The following TASP1 variants were observed in gnomAD, a reference collection of about 807,000 sequenced individuals.
TASP1 encodes threonine aspartase 1.
TASP1 carries 16 observed loss-of-function variants against 56.6 expected under a neutral mutation model. That is an observed-to-expected ratio of 0.28 (90% CI 0.19 to 0.43). The LOEUF is 0.43. Ranked by LOEUF, TASP1 falls within the 20% of genes least tolerant of loss-of-function variation. TASP1 has a pLI of 1.00. For synonymous variants in TASP1, 179 were observed against 184.2 expected (o/e 0.97, Z 0.23); for missense variants, 393 against 511.6 (o/e 0.77, Z 2.24).
the TASP1 span, among the ~76,000 whole-genome samples, chr20:13,311,924 T>C: frequency 6.6e-6 from 1 of 151,984 alleles, no homozygotes. Flanking sequence ...TTGCTGAGAG[T>C]CTATTTTAAA....
the TASP1 span, among the ~76,000 whole-genome samples, chr20:13,342,419 G>A: frequency 6.6e-5 from 10 of 152,338 alleles, no homozygotes; most frequent in East Asian, 1.9e-4. Context: ...TGCAAGAAAT[G>A]CAATGTAGTC....
chr20:13,548,084 G>T (rs771090791), intron 8 of TASP1, among the ~76,000 whole-genome samples: 1 of 152,082 alleles, frequency 6.6e-6, no homozygotes, highest in Non-Finnish European at 1.5e-5. Flanking sequence ...AATGTGACCC[G>T]GAGTGAGATG....
chr20:13,190,288 A>G, the TASP1 span, among the ~76,000 whole-genome samples: 8 of 152,178 alleles, frequency 5.3e-5, no homozygotes, highest in Non-Finnish European at 1.2e-4. Flanking sequence ...CATGTAAAAG[A>G]AAAGAACAAA....
chr20:13,557,824 G>A (rs2046216109), intron 8 of TASP1, among the ~76,000 whole-genome samples: 1 of 151,592 alleles, frequency 6.6e-6, no homozygotes, highest in South Asian at 2.1e-4. Flanking sequence ...ACCCACCTCA[G>A]CCTCCCAAAG....
intron 8 of TASP1, among the ~76,000 whole-genome samples, chr20:13,547,788 AAAGAAAC>A (rs1227398342): frequency 1.3e-5 from 2 of 152,176 alleles, no homozygotes; most frequent in African/African-American, 4.8e-5. Context: ...TGTCTACTAA[AAAGAAAC>A]AAGAAAAAAA....
At chr20:13,351,902 T>C in the TASP1 span, among the ~76,000 whole-genome samples, 1 of 152,238 alleles carries the variant, frequency 6.6e-6, no homozygotes, top group South Asian at 2.1e-4. Flanking sequence ...ACTAGTCTCA[T>C]ATAACTAGTA....
At chr20:13,319,095 A>T in the TASP1 span, among the ~76,000 whole-genome samples, 2 of 152,230 alleles carry the variant, frequency 1.3e-5, no homozygotes, top group Non-Finnish European at 2.9e-5. Flanking sequence ...GTCGATAGTC[A>T]GAGAGAGTAT....
chr20:13,515,455 G>A (rs982046983), intron 10 of TASP1, among the ~76,000 whole-genome samples: 2 of 151,160 alleles, frequency 1.3e-5, no homozygotes, highest in East Asian at 2.0e-4. Flanking sequence ...CATTATCTGG[G>A]AGCTTGCGAA....
chr20:13,141,564 G>T, the TASP1 span, among the ~76,000 whole-genome samples: 1 of 152,142 alleles, frequency 6.6e-6, no homozygotes, highest in South Asian at 2.1e-4. Flanking sequence ...AAAACAAGAG[G>T]CATCTACAAA....
chr20:13,200,876 C>G, the TASP1 span, among the ~76,000 whole-genome samples: 1 of 152,146 alleles, frequency 6.6e-6, no homozygotes, highest in Non-Finnish European at 1.5e-5. Flanking sequence ...GCTATTATGC[C>G]GAGGCTTGAA....
At chr20:13,363,099 C>A in the TASP1 span, among the ~76,000 whole-genome samples, 5 of 151,984 alleles carry the variant, frequency 3.3e-5, no homozygotes, top group Admixed American at 1.3e-4. Context: ...TGGCACAGAG[C>A]TCCCAAATCT....
chr20:13,479,982 A>T (rs916466534), intron 11 of TASP1, among the ~76,000 whole-genome samples: 1 of 152,182 alleles, frequency 6.6e-6, no homozygotes. Flanking sequence ...GTTAAAAGAG[A>T]AAAAAACTCA....
At chr20:13,332,835 T>C in the TASP1 span, among the ~76,000 whole-genome samples, 1 of 152,236 alleles carries the variant, frequency 6.6e-6, no homozygotes. Flanking sequence ...AAGCAAATTC[T>C]GGTGTGAACG....
the TASP1 span, among the ~76,000 whole-genome samples, chr20:13,349,520 T>C: frequency 1.3e-5 from 2 of 151,956 alleles, no homozygotes; most frequent in Admixed American, 6.6e-5. Context: ...GGAGGGAAAG[T>C]GTGCAGATAA....
chr20:13,432,438 T>A (rs2042842789), intron 12 of TASP1, among the ~76,000 whole-genome samples: 1 of 152,194 alleles, frequency 6.6e-6, no homozygotes, highest in Non-Finnish European at 1.5e-5. Flanking sequence ...ATTCCTGTCC[T>A]TCTATACTGT....
At chr20:13,425,714 A>C (rs1478363355) in intron 12 of TASP1, among the ~76,000 whole-genome samples, 1 of 152,154 alleles carries the variant, frequency 6.6e-6, no homozygotes, top group African/African-American at 2.4e-5. Flanking sequence ...TCATTTTTTA[A>C]ATGGGAAGAA....
chr20:13,214,297 C>T, the TASP1 span, among the ~76,000 whole-genome samples: 2 of 152,038 alleles, frequency 1.3e-5, no homozygotes, highest in African/African-American at 4.8e-5. Flanking sequence ...TATTTTGCCC[C>T]TTATTCTATT....
chr20:13,516,307 C>T (rs1290894934), intron 10 of TASP1, among the ~76,000 whole-genome samples: 3 of 152,104 alleles, frequency 2.0e-5, no homozygotes, highest in East Asian at 1.9e-4. Context: ...TTTTTCTCCT[C>T]CTTTTGATGA....
In TASP1 at chr20:13,435,157, A is replaced by T. The variant is rs1439774360; in HGVS notation, c.986-3T>A. 1.3e-6 allele frequency: 2 copies of T among 1,587,902 alleles called. No homozygotes were observed. The highest frequency in any genetic ancestry group is 1.7e-6 in the Non-Finnish European group (2 of 1,166,010). ...TTCACTGGCAAGGAAAGGTGAACCT[A>T]GGCAGAAAGGACTAGTAGTTATTTT... On this transcript the variant is annotated splice_polypyrimidine_tract_variant and splice_region_variant and intron_variant, in intron 11 of 13. Coordinates refer to ENST00000337743, the MANE Select transcript of TASP1 (RefSeq NM_017714.3).
Sources: allele counts gnomAD v4.1 joint callset (sites outside exome capture counted in the v4.1 genomes callset), GRCh38; gene constraint gnomAD v4.1.1; transcripts MANE v1.5; gene names NCBI Gene and HGNC (gene_info 2026-07-23, HGNC 2026-07-21).